The following CXXC4 variants were observed in gnomAD, a reference collection of about 807,000 sequenced individuals.
The protein encoded by CXXC4 is CXXC-type zinc finger protein 4.
A neutral mutation model predicts 20.5 loss-of-function variants in CXXC4; 5 were observed. The observed-to-expected ratio is 0.24, with a 90% CI of 0.13 to 0.51. CXXC4 has a LOEUF of 0.51. Ranked by LOEUF, CXXC4 falls within the 20% of genes least tolerant of loss-of-function variation. CXXC4 has a pLI of 0.97. For missense variants in CXXC4, 419 were observed against 496.4 expected (o/e 0.84, Z 1.48); for synonymous variants, 250 against 216.4 (o/e 1.16, Z -1.36).
chr4:104,476,274 T>C (rs4440219), intron 2 of CXXC4, among the ~76,000 whole-genome samples: 105,968 of 152,114 alleles, frequency 0.7, 38,446 homozygotes, highest in African/African-American at 0.89. Context: ...ATAAAGAATA[T>C]GAAAAGCTTT....
Position 104,491,411 on chromosome 4 carries a change from C to T in CXXC4, c.392G>A (p.Gly131Asp). 9.0e-7 allele frequency: 1 copy of T among 1,107,968 alleles called. No individual in the cohort carries two copies. Among genetic ancestry groups the T allele is most frequent in the Non-Finnish European group, 1.1e-6 (1 of 883,966 alleles). 68.6% of individuals were successfully genotyped at this position (1,107,968 alleles called of 1,614,324 possible). ...GGGGGGGGGGGGGGRKSSSAA... is the reference protein window; with the variant it reads ...GGGGGGGGGGDGGGRKSSSAA... ...GGAGGAGGATTTCCTGCCGCCCCCA[C>T]CACCCCCGCCCCCGCCTCCGCCGCC... Residue 131 changes from glycine to aspartate, a missense_variant, in exon 2 of 3, where the codon GGT becomes GAT. Gly to Asp is a moderately conservative substitution (Grantham distance 94, BLOSUM62 -1). Transcript: ENST00000394767.
At chr4:104,490,428 G>A (rs1736814617) in intron 2 of CXXC4, among the ~76,000 whole-genome samples, 1 of 152,170 alleles carries the variant, frequency 6.6e-6, no homozygotes, top group African/African-American at 2.4e-5. Context: ...TGAGGAGGAG[G>A]GGGCATTTTA....
Position 104,494,747 on chromosome 4 carries a change from T to G in CXXC4, c.-304A>C, listed in dbSNP as rs1578326709. 2 of 90,180 alleles carry G rather than the reference T, an allele frequency of 2.2e-5. No homozygotes were observed. Among genetic ancestry groups the G allele is most frequent in the African/African-American group, 3.9e-5 (1 of 25,662 alleles). The allele number at this position is 90,180 out of a possible 1,614,324, so 5.6% of individuals were successfully genotyped here. On this transcript the variant is annotated 5_prime_UTR_variant, in exon 1 of 3. Coordinates refer to ENST00000394767, the MANE Select transcript of CXXC4 (RefSeq NM_025212.4). The stretch of plus-strand genomic sequence containing the variant: ...TGTTGCAGAGAGAAGGAGGAGGAGA[T>G]GGTGTTAGTGGTGGGGGTGGAAGGA...
chr4:104,475,558 C>A (rs536840223), intron 2 of CXXC4, among the ~76,000 whole-genome samples: 2 of 152,258 alleles, frequency 1.3e-5, no homozygotes, highest in East Asian at 3.9e-4. Flanking sequence ...CTACAGGTTT[C>A]TAACTAAGTT....
chr4:104,474,258 CT>C (rs1348216630), intron 2 of CXXC4, among the ~76,000 whole-genome samples: 1 of 151,930 alleles, frequency 6.6e-6, no homozygotes, highest in Non-Finnish European at 1.5e-5. Flanking sequence ...TGGTTTTCTC[CT>C]TTCCAGCTCA....
intron 1 of CXXC4, among the ~76,000 whole-genome samples, chr4:104,494,251 C>A (rs1376034034): frequency 6.6e-6 from 1 of 152,230 alleles, no homozygotes; most frequent in African/African-American, 2.4e-5. Context: ...ATCCATACTT[C>A]ATGATCCTGT....
Position 104,476,392 on chromosome 4 carries a change from G to A in CXXC4, c.1060-4026C>T, listed in dbSNP as rs192540404. 1.5e-4 allele frequency among the ~76,000 whole-genome samples: 23 copies of A among 152,178 alleles called. No homozygotes were observed. In the East Asian group the frequency reaches 3.9e-3, roughly 26 times the overall value. ...ATCTACATATTCTTGTTAGAAATAC[G>A]TCAAGTCTAATAAAACATCAGCTCC... On this transcript the variant is annotated intron_variant, in intron 2 of 2. Transcript: ENST00000394767.
rs1200974421 is a variant in CXXC4, at chr4:104,491,580, C to T, written c.223G>A (p.Ala75Thr). ...CGCGCGGCGGCCGCGGCGGCGGCGG[C>T]GCTGCTGGGGAAGATGGGGGTGGTG... ...RITTPIFPSSAAAAAAAARIG... is the reference protein window; with the variant it reads ...RITTPIFPSSTAAAAAAARIG... The change falls in exon 2 of 3, where the codon GCC becomes ACC. Residue 75 changes from alanine (A) to threonine (T), a missense_variant. By Grantham distance (58) the Ala-to-Thr change is moderately conservative. Coordinates refer to ENST00000394767, the MANE Select transcript of CXXC4 (RefSeq NM_025212.4). The T allele has an allele frequency of 7.2e-6, 11 of 1,521,506 alleles. No individual in the cohort carries two copies. Among genetic ancestry groups the T allele is most frequent in the African/African-American group, 1.4e-5 (1 of 69,976 alleles). The allele number at this position is 1,521,506 out of a possible 1,614,324, so 94.3% of individuals were successfully genotyped here.
intron 2 of CXXC4, among the ~76,000 whole-genome samples, chr4:104,474,369 C>T (rs941304751): frequency 2.0e-5 from 3 of 151,964 alleles, no homozygotes; most frequent in Non-Finnish European, 4.4e-5. Context: ...TAATTATACA[C>T]ATTGATTACA....
At chr4:104,481,988 G>T (rs932538462) in intron 2 of CXXC4, among the ~76,000 whole-genome samples, 1 of 152,144 alleles carries the variant, frequency 6.6e-6, no homozygotes, top group African/African-American at 2.4e-5. Context: ...CTAGATTAAT[G>T]TTTTTCAAAT....
chr4:104,490,679 T>C, intron 2 of CXXC4, 65 bp downstream of exon 2: 5 of 1,384,132 alleles, frequency 3.6e-6, no homozygotes, highest in Non-Finnish European at 5.0e-6. Context: ...CAAGAATCCC[T>C]GAAGGGGAGA....
Position 104,469,112 on chromosome 4 carries a change from C to A in CXXC4, c.*3210G>T, listed in dbSNP as rs1019616289. 1 of 152,012 alleles carries A rather than the reference C, an allele frequency of 6.6e-6. No homozygotes were observed. 9.4% of individuals were successfully genotyped at this position (152,012 alleles called of 1,614,324 possible). On this transcript the variant is annotated 3_prime_UTR_variant, in exon 3 of 3. Coordinates refer to ENST00000394767, the MANE Select transcript of CXXC4 (RefSeq NM_025212.4). ...ACAGTGGGGGAAGACTTCCTATTTT[C>A]TTTCCCAAGGATGGATACATTTCTA...
intron 2 of CXXC4, among the ~76,000 whole-genome samples, chr4:104,485,054 C>A (rs532607044): frequency 6.6e-6 from 1 of 151,924 alleles, no homozygotes; most frequent in Non-Finnish European, 1.5e-5. Flanking sequence ...TACACATGCA[C>A]AAAATTCTCA....
At chr4:104,478,901 TTA>T (rs1203335772) in intron 2 of CXXC4, among the ~76,000 whole-genome samples, 1 of 152,044 alleles carries the variant, frequency 6.6e-6, no homozygotes, top group Non-Finnish European at 1.5e-5. Context: ...ATTATTTTAT[TTA>T]TATAGTCATA....
chr4:104,492,316 C>G lies in CXXC4; in HGVS notation c.-257-257G>C, dbSNP rs1736914202. ...CCCTCCTGAGAAAATGTATTAATAG[C>G]CAGGATACCCAGGGAAAGAAGGAAG... On this transcript the variant is annotated intron_variant, in intron 1 of 2. Coordinates refer to ENST00000394767, the MANE Select transcript of CXXC4 (RefSeq NM_025212.4). 3.3e-5 allele frequency among the ~76,000 whole-genome samples: 5 copies of G among 149,492 alleles called. No homozygotes were observed. In the Admixed American group the frequency reaches 3.4e-4, roughly 10 times the overall value.
rs1177384597 is a variant in CXXC4 at position 104,472,316 on chromosome 4, A to T, written c.*6T>A. On this transcript the variant is annotated 3_prime_UTR_variant, in exon 3 of 3. Transcript: ENST00000394767. ...AAATGCCTTGAAAATAAGATATACT[A>T]CTGCTTTAAAAGAACCATCGGAATG... The T allele has an allele frequency of 1.3e-6, 2 of 1,594,514 alleles. No individual in the cohort carries two copies. The highest frequency in any genetic ancestry group is 4.5e-5 in the East Asian group (2 of 44,534).
intron 2 of CXXC4, among the ~76,000 whole-genome samples, chr4:104,477,460 A>G (rs1030660243): frequency 6.6e-6 from 1 of 152,126 alleles, no homozygotes; most frequent in Non-Finnish European, 1.5e-5. Context: ...ATACATAGTA[A>G]TATGAATCTT....
chr4:104,484,639 A>G (rs184470562), intron 2 of CXXC4, among the ~76,000 whole-genome samples: 1 of 152,164 alleles, frequency 6.6e-6, no homozygotes, highest in Admixed American at 6.5e-5. Flanking sequence ...CGCTCTTAAA[A>G]TAAATTAAGA....
chr4:104,480,340 G>A (rs1736519908), intron 2 of CXXC4, among the ~76,000 whole-genome samples: 1 of 151,948 alleles, frequency 6.6e-6, no homozygotes, highest in African/African-American at 2.4e-5. Flanking sequence ...TTCTTTAGTA[G>A]CCTTTTTTAT....
Sources: gnomAD v4.1 joint callset for allele counts (sites outside exome capture counted in the v4.1 genomes callset) on GRCh38, gnomAD v4.1.1 for gene constraint, MANE v1.5 for transcripts, NCBI Gene and HGNC (gene_info 2026-07-23, HGNC 2026-07-21) for gene names.